The following MYO3A variants were observed in gnomAD, a reference collection of about 807,000 sequenced individuals.
MYO3A encodes myosin-IIIa.
In MYO3A, 180 loss-of-function variants were observed where a neutral mutation model predicts 192.7. That is an observed-to-expected ratio of 0.93 (90% confidence interval 0.83 to 1.06). MYO3A has a LOEUF of 1.06. Ranked by LOEUF, MYO3A falls within the 50% of genes least tolerant of loss-of-function variation. MYO3A has a pLI of 0.00. For missense variants in MYO3A, 1,896 were observed against 1,905.0 expected, an observed-to-expected ratio of 1.00 and a Z score of 0.09; for synonymous variants, 628 against 645.3, an observed-to-expected ratio of 0.97 and a Z score of 0.41.
chr10:26,088,578 G>C (rs1836487805), intron 15 of MYO3A, among the ~76,000 whole-genome samples, 173 bp downstream of exon 15: 1 of 152,282 alleles, frequency 6.6e-6, no homozygotes, highest in Non-Finnish European at 1.5e-5. Flanking sequence ...TCAAATATAT[G>C]TTACATCCAA....
chr10:26,160,312 GC>G (rs1344359338), intron 26 of MYO3A, among the ~76,000 whole-genome samples: 1 of 152,098 alleles, frequency 6.6e-6, no homozygotes, highest in Admixed American at 6.5e-5. Context: ...AAGTGCCAAG[GC>G]CAAGAGAATG....
intron 6 of MYO3A, among the ~76,000 whole-genome samples, chr10:26,007,999 T>A (rs1450338290): frequency 1.3e-5 from 2 of 151,490 alleles, no homozygotes; most frequent in Non-Finnish European, 2.9e-5. Context: ...AAGGCTACAG[T>A]AACGAAAACA....
At position 26,120,725 on chromosome 10, in the gene MYO3A, A is replaced by G; in HGVS notation, c.1826A>G (p.Asn609Ser). 6.2e-7 allele frequency: 1 copy of G among 1,614,110 alleles called. No individual in the cohort carries two copies. The highest frequency in any genetic ancestry group is 8.5e-7 in the Non-Finnish European group (1 of 1,179,974). Residue 609 changes from asparagine (N) to serine (S), a missense_variant, in exon 18 of 35, where the codon AAC becomes AGC. Asn to Ser is a conservative substitution (Grantham distance 46). Transcript: ENST00000642920. ...CTCGCTGCAATCTTGAATGTTGGCA[A>G]CATTGAATTTTCTTCTGTGGCAACT... ...SILAAILNVG[N>S]IEFSSVATEH...
rs569106177 is a variant in MYO3A at position 26,157,052 on chromosome 10, A to G, written c.2794-258A>G. 7.9e-5 allele frequency among the ~76,000 whole-genome samples: 12 copies of G among 152,336 alleles called. No homozygotes were observed. The South Asian group carries it at 2.5e-3, about 32-fold the overall frequency. On this transcript the variant is annotated intron_variant, in intron 25 of 34. Coordinates refer to ENST00000642920, the MANE Select transcript of MYO3A (RefSeq NM_017433.5). ...TTTATCTGTTAATTAAAGTTGCCTT[A>G]ATGGTTTATAAGCAAACTTTTAATA...
At chr10:26,055,085 G>A (rs1844234713) in intron 10 of MYO3A, among the ~76,000 whole-genome samples, 1 of 152,214 alleles carries the variant, frequency 6.6e-6, no homozygotes, top group Admixed American at 6.5e-5. Flanking sequence ...TCTACCTAAG[G>A]CAGCAGCTTC....
chr10:25,960,576 A>AATAAGCTAT (rs1405932734), intron 4 of MYO3A, among the ~76,000 whole-genome samples: 2 of 152,180 alleles, frequency 1.3e-5, no homozygotes, highest in Admixed American at 1.3e-4. Context: ...CTTACAATAA[A>AATAAGCTAT]ATAAGCTATA....
intron 34 of MYO3A, among the ~76,000 whole-genome samples, chr10:26,206,278 C>T (rs949162230): frequency 6.6e-6 from 1 of 150,916 alleles, no homozygotes; most frequent in Non-Finnish European, 1.5e-5. Flanking sequence ...CCAGGCTGGT[C>T]TTGAACTTCT....
chr10:26,056,392 G>A (rs1440625710), intron 10 of MYO3A, among the ~76,000 whole-genome samples: 1 of 152,060 alleles, frequency 6.6e-6, no homozygotes, highest in Non-Finnish European at 1.5e-5. Context: ...AGAGAAGAGA[G>A]GAGGAAACAA....
chr10:26,154,160 TG>T (rs926844389), intron 24 of MYO3A, among the ~76,000 whole-genome samples: 3 of 152,092 alleles, frequency 2.0e-5, no homozygotes, highest in Non-Finnish European at 4.4e-5. Flanking sequence ...AGCTAGTTTT[TG>T]GGGGGCAGTT....
rs11014889 is a variant in MYO3A at position 25,996,414 on chromosome 10, T to C, written c.304-76T>C. The C allele has an allele frequency of 2.2e-3, 2,703 of 1,208,208 alleles. 13 individuals are homozygous for C. The highest frequency in any genetic ancestry group is 5.7e-3 in the South Asian group (461 of 80,516). The allele number at this position is 1,208,208 out of a possible 1,614,324, so 74.8% of individuals were successfully genotyped here. A position where few individuals can be genotyped will look rare whatever the true frequency, so the allele number is the denominator to read the frequency against. On this transcript the variant is annotated intron_variant, in intron 4 of 34. Transcript: ENST00000642920. ...GAACATTGGAACACTTTTAAAAATG[T>C]CTTGGAAGAACTTTTCTAGAAAGAA...
At chr10:26,151,243 C>G (rs1315840257) in intron 23 of MYO3A, among the ~76,000 whole-genome samples, 2 of 152,070 alleles carry the variant, frequency 1.3e-5, no homozygotes, top group Non-Finnish European at 2.9e-5. Context: ...TTTCTCTCTC[C>G]TGGTTCTATC....
At chr10:26,053,547 T>C (rs72795836) in intron 10 of MYO3A, among the ~76,000 whole-genome samples, 24,709 of 152,130 alleles carry the variant, frequency 0.16, 2,288 homozygotes, top group Non-Finnish European at 0.21. Flanking sequence ...ATAGAGCAGC[T>C]GGGCACGGTG....
intron 8 of MYO3A, chr10:26,022,227 A>C (rs1842343240): frequency 6.6e-6 from 1 of 152,332 alleles, no homozygotes; most frequent in Admixed American, 6.5e-5. Flanking sequence ...TGTGTGTTTC[A>C]ACAGATTTTC....
chr10:26,208,662 T>C (rs1395454629), intron 34 of MYO3A, among the ~76,000 whole-genome samples: 3 of 152,208 alleles, frequency 2.0e-5, no homozygotes, highest in African/African-American at 7.2e-5. Flanking sequence ...TCAATACCCA[T>C]CATGATGCTA....
intron 15 of MYO3A, 145 bp downstream of exon 15, chr10:26,088,550 A>G: frequency 1.3e-6 from 1 of 782,508 alleles, no homozygotes; most frequent in East Asian, 2.7e-5. Context: ...GAAGAGATCC[A>G]TCAGCACTGT....
chr10:26,154,834 A>G lies in MYO3A; in HGVS notation c.2793+11A>G, dbSNP rs774880697. ...GCATCATATTTTAGAGTAAGATATT[A>G]AACTATGATGTATTGTGCTTAGGGG... is the stretch of plus-strand genomic sequence containing the variant. On this transcript the variant is annotated intron_variant, in intron 25 of 34. Coordinates refer to ENST00000642920, the MANE Select transcript of MYO3A (RefSeq NM_017433.5). 1 of 1,604,444 alleles carries G rather than the reference A, an allele frequency of 6.2e-7. No individual in the cohort carries two copies. Among genetic ancestry groups the G allele is most frequent in the Non-Finnish European group, 8.5e-7 (1 of 1,172,970 alleles).
chr10:26,087,765 C>T lies in MYO3A; in HGVS notation c.1360-438C>T, dbSNP rs370515721. ...AGTTTTCACAATTATTCCCTTCTCT[C>T]TGCTTCTGAATTAATGAGTTATCTT... On this transcript the variant is annotated intron_variant, in intron 14 of 34. Coordinates refer to ENST00000642920, the MANE Select transcript of MYO3A (RefSeq NM_017433.5). Among the ~76,000 whole-genome samples, 3 of 152,216 alleles carry T rather than the reference C, an allele frequency of 2.0e-5. No individual in the cohort carries two copies. The East Asian group carries it at 5.8e-4, about 29-fold the overall frequency.
chr10:26,115,752 G>A (rs1227862260), intron 17 of MYO3A, among the ~76,000 whole-genome samples: 1 of 152,154 alleles, frequency 6.6e-6, no homozygotes, highest in African/African-American at 2.4e-5. Context: ...TACAAGGACT[G>A]ATAAGTGCCT....
intron 4 of MYO3A, among the ~76,000 whole-genome samples, chr10:25,965,832 A>G (rs1307865427): frequency 3.3e-5 from 5 of 152,094 alleles, no homozygotes; most frequent in Admixed American, 1.3e-4. Flanking sequence ...ACAGGACAGT[A>G]CTGAGTTCAA....
Sources: gnomAD v4.1 joint callset for allele counts (sites outside exome capture counted in the v4.1 genomes callset) on GRCh38, gnomAD v4.1.1 for gene constraint, MANE v1.5 for transcripts, NCBI Gene and HGNC (gene_info 2026-07-23, HGNC 2026-07-21) for gene names.